The following MAP4K3 variants were observed in gnomAD, a reference collection of about 807,000 sequenced individuals.
The protein encoded by MAP4K3 is mitogen-activated protein kinase kinase kinase kinase 3.
MAP4K3 carries 94 observed loss-of-function variants against 143.5 expected under a neutral mutation model. The observed-to-expected ratio is 0.65, with a 90% CI of 0.55 to 0.78. The LOEUF (loss-of-function observed/expected upper bound fraction) is 0.78. Among genes scored for constraint, MAP4K3 ranks in the 30% least tolerant of loss-of-function variants. The probability of loss-of-function intolerance (pLI) is 0.00; values close to 1 mark genes in which losing one functional copy is unlikely to be tolerated. For synonymous variants in MAP4K3, 416 were observed against 347.2 expected, an observed-to-expected ratio of 1.20 and a Z score of -2.20; for missense variants, 1,077 against 1,068.1, an observed-to-expected ratio of 1.01 and a Z score of -0.12.
At chr2:39,356,157 A>G (rs1329409340) in intron 3 of MAP4K3, 92 bp downstream of exon 3, 33 of 728,452 alleles carry the variant, frequency 4.5e-5, no homozygotes, top group Non-Finnish European at 7.0e-5. Context: ...AAGAAAAACT[A>G]CAAAACATGG....
intron 7 of MAP4K3, 120 bp from the exon 8 acceptor site, chr2:39,332,109 A>G (rs1683704021): frequency 2.0e-6 from 1 of 504,294 alleles, no homozygotes; most frequent in Non-Finnish European, 3.6e-6. Context: ...AATACGGGAT[A>G]TTCTCAAACA....
chr2:39,265,545 G>A (rs892092922), intron 27 of MAP4K3, among the ~76,000 whole-genome samples: 1 of 152,140 alleles, frequency 6.6e-6, no homozygotes, highest in African/African-American at 2.4e-5. Context: ...TGAAACTGCT[G>A]GTTATAATGA....
intron 1 of MAP4K3, among the ~76,000 whole-genome samples, chr2:39,394,920 T>C (rs767879176): frequency 2.0e-5 from 3 of 152,198 alleles, no homozygotes; most frequent in Non-Finnish European, 4.4e-5. Flanking sequence ...CAGAAGGAAT[T>C]TGAATCCATC....
At chr2:39,421,346 T>TA (rs1003782590) in intron 1 of MAP4K3, among the ~76,000 whole-genome samples, 2 of 150,812 alleles carry the variant, frequency 1.3e-5, no homozygotes, top group Non-Finnish European at 2.9e-5. Context: ...ACTTACTACT[T>TA]ACTAGATTTA....
chr2:39,316,925 G>A (rs1182422918), intron 12 of MAP4K3, among the ~76,000 whole-genome samples: 2 of 151,854 alleles, frequency 1.3e-5, no homozygotes, highest in East Asian at 1.9e-4. Flanking sequence ...TAAAATTCAC[G>A]TGGAATCAAA....
intron 1 of MAP4K3, among the ~76,000 whole-genome samples, chr2:39,417,515 C>A (rs1234890192): frequency 1.3e-5 from 2 of 151,166 alleles, no homozygotes; most frequent in African/African-American, 4.9e-5. Flanking sequence ...ACCGCACCCG[C>A]CCGAAAGCCA....
chr2:39,389,025 A>G (rs1666582410), intron 1 of MAP4K3, among the ~76,000 whole-genome samples: 1 of 152,258 alleles, frequency 6.6e-6, no homozygotes. Context: ...TAAAAGATAT[A>G]TAACATTACA....
chr2:39,340,427 T>C (rs1451956953), intron 4 of MAP4K3, among the ~76,000 whole-genome samples: 2 of 152,186 alleles, frequency 1.3e-5, no homozygotes, highest in Non-Finnish European at 2.9e-5. Flanking sequence ...TATGAGAACA[T>C]CCAGGGTACC....
At chr2:39,276,948 A>T (rs1681281620) in intron 24 of MAP4K3, among the ~76,000 whole-genome samples, 1 of 152,242 alleles carries the variant, frequency 6.6e-6, no homozygotes, top group South Asian at 2.1e-4. Context: ...AACGCTGTGA[A>T]CGTACTAAAA....
chr2:39,336,432 A>C (rs1377710570), intron 6 of MAP4K3, among the ~76,000 whole-genome samples: 2 of 129,246 alleles, frequency 1.5e-5, no homozygotes, highest in Non-Finnish European at 3.1e-5. Context: ...ACATCGTGCC[A>C]CTGCACTCTA....
chr2:39,430,401 A>G (rs1665248043), intron 1 of MAP4K3, among the ~76,000 whole-genome samples: 1 of 152,216 alleles, frequency 6.6e-6, no homozygotes, highest in Admixed American at 6.5e-5. Context: ...AACCAAACCT[A>G]TAATCAGGTC....
chr2:39,313,862 T>A (rs1430618855), intron 13 of MAP4K3, among the ~76,000 whole-genome samples: 1 of 152,146 alleles, frequency 6.6e-6, no homozygotes, highest in African/African-American at 2.4e-5. Context: ...ACTTAGAAGT[T>A]GAGAATCACT....
At chr2:39,315,762 G>A (rs1402521096) in intron 12 of MAP4K3, among the ~76,000 whole-genome samples, 3 of 151,996 alleles carry the variant, frequency 2.0e-5, no homozygotes, top group Non-Finnish European at 2.9e-5. Flanking sequence ...TTCTGACATC[G>A]AGAAATTCTG....
At chr2:39,415,640 T>C (rs1214936381) in intron 1 of MAP4K3, among the ~76,000 whole-genome samples, 2 of 152,016 alleles carry the variant, frequency 1.3e-5, no homozygotes, top group East Asian at 3.9e-4. Context: ...TTGGTGTTCA[T>C]TAATGGTACT....
chr2:39,407,957 A>G lies in MAP4K3; in HGVS notation c.96+28935T>C, dbSNP rs187804359. ...AAGATATTAGTAAAGAAGAGAAGCA[A>G]GCACAGGATTTATGGCAGGAAAGGA... On this transcript the variant is annotated intron_variant, in intron 1 of 33. Transcript: ENST00000263881. Among the ~76,000 whole-genome samples, 15 of 152,138 alleles carry G rather than the reference A, an allele frequency of 9.9e-5. No homozygotes were observed. In the East Asian group the frequency reaches 2.7e-3, roughly 27 times the overall value.
intron 23 of MAP4K3, 128 bp downstream of exon 23, chr2:39,280,142 TAA>T: frequency 4.1e-6 from 2 of 489,518 alleles, no homozygotes; most frequent in Non-Finnish European, 7.2e-6. Flanking sequence ...TACCTTAAAA[TAA>T]AAAAAAAATT....
In MAP4K3 at chr2:39,311,160, C is replaced by T. The variant is rs540326035; in HGVS notation, c.998-1641G>A. ...TGGCGCGATCTCAGCTCACTGCAAC[C>T]TCCACCTCCTGGGTTCAAGCGGTTC... is the stretch of plus-strand genomic sequence containing the variant. On this transcript the variant is annotated intron_variant, in intron 13 of 33. Coordinates refer to ENST00000263881, the MANE Select transcript of MAP4K3 (RefSeq NM_003618.4). Among the ~76,000 whole-genome samples the T allele has an allele frequency of 2.6e-5, 4 of 152,280 alleles. No homozygotes were observed. The East Asian group carries it at 7.7e-4, about 29-fold the overall frequency.
At chr2:39,377,306 T>A (rs952850754) in intron 2 of MAP4K3, among the ~76,000 whole-genome samples, 4 of 149,090 alleles carry the variant, frequency 2.7e-5, no homozygotes, top group Non-Finnish European at 5.9e-5. Flanking sequence ...TAAACTCTTA[T>A]TATCAGCTTG....
chr2:39,423,790 A>G (rs775579669), intron 1 of MAP4K3, among the ~76,000 whole-genome samples: 2 of 152,244 alleles, frequency 1.3e-5, no homozygotes, highest in Non-Finnish European at 2.9e-5. Flanking sequence ...AATAGATAGA[A>G]AATGGAATTT....
Sources: gnomAD v4.1 joint callset for allele counts (sites outside exome capture counted in the v4.1 genomes callset) on GRCh38, gnomAD v4.1.1 for gene constraint, MANE v1.5 for transcripts, NCBI Gene and HGNC (gene_info 2026-07-23, HGNC 2026-07-21) for gene names.